The following INSYN2A variants were observed in gnomAD, a reference collection of about 807,000 sequenced individuals.
INSYN2A encodes inhibitory synaptic factor 2A.
A neutral mutation model predicts 39.4 loss-of-function variants in INSYN2A; 17 were observed. The ratio of observed to expected loss-of-function variants is 0.43; its 90% confidence interval spans 0.30 to 0.65. The LOEUF (loss-of-function observed/expected upper bound fraction) is 0.65. Among genes scored for constraint, INSYN2A ranks in the 30% least tolerant of loss-of-function variants. The probability of loss-of-function intolerance (pLI) is 0.14; values close to 1 mark genes in which losing one functional copy is unlikely to be tolerated. For missense variants in INSYN2A, 595 were observed against 631.2 expected (o/e 0.94, Z 0.61); for synonymous variants, 255 against 265.7 (o/e 0.96, Z 0.39).
rs184533361 is a variant in INSYN2A at position 127,162,211 on chromosome 10, A to G, written c.1185-8288T>C. On this transcript the variant is annotated intron_variant, in intron 4 of 5. Coordinates refer to ENST00000522781, the MANE Select transcript of INSYN2A (RefSeq NM_001039762.3). Reference sequence around the variant, plus strand: ...CTAGAATGTCTTTCTGGGGAAGGGCAAATACTTCTTTTTCAGACACCCGTG... The same window carrying G: ...CTAGAATGTCTTTCTGGGGAAGGGCGAATACTTCTTTTTCAGACACCCGTG... 3.9e-5 allele frequency among the ~76,000 whole-genome samples: 6 copies of G among 152,294 alleles called. No individual in the cohort carries two copies. In the East Asian group the frequency reaches 1.2e-3, roughly 29 times the overall value.
chr10:127,190,195 A>G (rs1359681179), intron 2 of INSYN2A, among the ~76,000 whole-genome samples: 2 of 152,246 alleles, frequency 1.3e-5, no homozygotes, highest in African/African-American at 2.4e-5. Flanking sequence ...CTGAATTTTC[A>G]CCAAAGGAAT....
At chr10:127,195,012 A>G (rs1157958933) in intron 1 of INSYN2A, among the ~76,000 whole-genome samples, 1 of 152,076 alleles carries the variant, frequency 6.6e-6, no homozygotes, top group East Asian at 1.9e-4. Context: ...AGATAAGCAA[A>G]ACGCACCCAT....
In INSYN2A at chr10:127,179,189, G is replaced by A. The variant is rs182233211; in HGVS notation, c.-268-2050C>T. 6.3e-4 allele frequency among the ~76,000 whole-genome samples: 96 copies of A among 152,314 alleles called. 1 individual carries two copies. Among genetic ancestry groups the A allele is most frequent in the African/African-American group, 2.1e-3 (89 of 41,572 alleles). On this transcript the variant is annotated intron_variant, in intron 2 of 5. Transcript: ENST00000522781. ...ATCACCATTTGCTAGGGACTGCACTGAAATAATTTTCTTACATCAGTTGGC... is the reference window on the plus strand; with the variant it reads ...ATCACCATTTGCTAGGGACTGCACTAAAATAATTTTCTTACATCAGTTGGC...
intron 4 of INSYN2A, among the ~76,000 whole-genome samples, chr10:127,162,807 G>C (rs973629143): frequency 2.6e-5 from 4 of 152,236 alleles, no homozygotes; most frequent in Non-Finnish European, 5.9e-5. Flanking sequence ...GGCTTGCTGT[G>C]TGTCAGCACT....
chr10:127,145,957 T>TAA (rs2051794832), intron 5 of INSYN2A: 1 of 513,196 alleles, frequency 1.9e-6, no homozygotes, highest in Non-Finnish European at 3.9e-6. Context: ...TCAAGACGCC[T>TAA]ATCTGTGAGG....
intron 4 of INSYN2A, among the ~76,000 whole-genome samples, chr10:127,166,784 T>G (rs1293971323): frequency 6.6e-6 from 1 of 152,220 alleles, no homozygotes; most frequent in Non-Finnish European, 1.5e-5. Context: ...CATTTTTTTT[T>G]TAAATCCAAA....
chr10:127,140,823 T>G (rs2051168969), intron 5 of INSYN2A, among the ~76,000 whole-genome samples: 1 of 152,074 alleles, frequency 6.6e-6, no homozygotes, highest in Admixed American at 6.5e-5. Flanking sequence ...CTGGTTAGAG[T>G]AGTGGACTTG....
At chr10:127,155,916 T>G (rs1406427522) in intron 4 of INSYN2A, among the ~76,000 whole-genome samples, 3 of 152,160 alleles carry the variant, frequency 2.0e-5, no homozygotes, top group Non-Finnish European at 2.9e-5. Flanking sequence ...TTGGCTTGGG[T>G]GGCAGATGAG....
intron 5 of INSYN2A, among the ~76,000 whole-genome samples, chr10:127,148,698 C>G (rs1264281522): frequency 1.3e-5 from 2 of 152,200 alleles, no homozygotes; most frequent in Non-Finnish European, 2.9e-5. Context: ...GAAATTTCAG[C>G]TGCTTATGAG....
chr10:127,137,703 G>T lies in INSYN2A; in HGVS notation c.*134C>A. On this transcript the variant is annotated 3_prime_UTR_variant, in exon 6 of 6. Coordinates refer to ENST00000522781, the MANE Select transcript of INSYN2A (RefSeq NM_001039762.3). Reference sequence around the variant, plus strand: ...TATCTATTGGTACAAAGGCCTTTTTGGTACGCAGGGCGAGAAGTGGGAGGT... The same window carrying T: ...TATCTATTGGTACAAAGGCCTTTTTTGTACGCAGGGCGAGAAGTGGGAGGT... 2 of 751,318 alleles carry T rather than the reference G, an allele frequency of 2.7e-6. No individual in the cohort carries two copies. The highest frequency in any genetic ancestry group is 4.3e-6 in the Non-Finnish European group (2 of 469,138). 46.5% of individuals were successfully genotyped at this position (751,318 alleles called of 1,614,324 possible). A position where few individuals can be genotyped will look rare whatever the true frequency, so the allele number is the denominator to read the frequency against.
At chr10:127,163,813 T>A (rs2133714453) in intron 4 of INSYN2A, among the ~76,000 whole-genome samples, 1 of 151,330 alleles carries the variant, frequency 6.6e-6, no homozygotes, top group South Asian at 2.1e-4. Context: ...TTTTTTTTTT[T>A]TTTTTGCCCT....
intron 2 of INSYN2A, among the ~76,000 whole-genome samples, chr10:127,183,514 A>T (rs976191453): frequency 4.6e-5 from 7 of 152,208 alleles, no homozygotes; most frequent in Admixed American, 4.6e-4. Flanking sequence ...ATGAGCTTCT[A>T]TTCCTAAGCT....
At chr10:127,189,015 C>G (rs181379128) in intron 2 of INSYN2A, among the ~76,000 whole-genome samples, 2 of 152,084 alleles carry the variant, frequency 1.3e-5, no homozygotes, top group African/African-American at 4.8e-5. Flanking sequence ...CTCAGGTGGT[C>G]GGCTCCTAGG....
intron 4 of INSYN2A, among the ~76,000 whole-genome samples, chr10:127,163,103 C>T (rs886124890): frequency 6.6e-6 from 1 of 152,192 alleles, no homozygotes; most frequent in African/African-American, 2.4e-5. Flanking sequence ...GGCTCTCTTG[C>T]AGACCATGCC....
Position 127,176,143 on chromosome 10 carries a change from G to A in INSYN2A, c.253C>T (p.Arg85Cys), listed in dbSNP as rs549319983. 1.3e-4 allele frequency: 203 copies of A among 1,613,954 alleles called. No homozygotes were observed. The highest frequency in any genetic ancestry group is 1.5e-4 in the Non-Finnish European group (178 of 1,180,016). The change falls in exon 4 of 6, where the codon CGC (arginine) becomes TGC (cysteine). Residue 85 changes from arginine (R) to cysteine (C), a missense_variant. Physicochemically the swap from Arg to Cys is radical, Grantham distance 180. This residue lies in a region of INSYN2A where 478 missense variants were observed against 467.4 expected (regional missense o/e 1.02). Transcript: ENST00000522781. This position sits in a 1 kb window ranked among gnomAD's most constrained non-coding sequence, Gnocchi z 4.4. ...CGTGCGGGCACTGTCATGTATTTGC[G>A]GTAGGCTGCTCTGCAGGACACGGGC... Reference protein sequence around the residue: ...AKPVSCRAAYRKYMTVPARRS... With the variant: ...AKPVSCRAAYCKYMTVPARRS...
At position 127,175,594 on chromosome 10, in the gene INSYN2A, G is replaced by A; in HGVS notation, c.802C>T (p.Pro268Ser). 6.2e-7 allele frequency: 1 copy of A among 1,612,534 alleles called. No individual in the cohort carries two copies. The highest frequency in any genetic ancestry group is 8.5e-7 in the Non-Finnish European group (1 of 1,179,916). ...GCGGCTGCAGAGTCTGACAAACCAG[G>A]CTCGGGGGCCCTGGCACTGAGGGCA... Reference protein sequence around the residue: ...APALSARAPEPGLSDSAAASQ... With the variant: ...APALSARAPESGLSDSAAASQ... Residue 268 changes from proline to serine, a missense_variant, in exon 4 of 6, where the codon CCT becomes TCT. Around this residue, in one of 2 missense-constraint regions of INSYN2A, gnomAD observed 478 missense variants for 467.4 expected, o/e 1.02. Coordinates refer to ENST00000522781, the MANE Select transcript of INSYN2A (RefSeq NM_001039762.3). This position sits in a 1 kb window ranked among gnomAD's most constrained non-coding sequence, Gnocchi z 6.3.
chr10:127,154,898 G>C (rs11591276), intron 4 of INSYN2A, among the ~76,000 whole-genome samples: 32,504 of 152,142 alleles, frequency 0.21, 4,185 homozygotes, highest in South Asian at 0.29. Flanking sequence ...GTCCAGCCAC[G>C]TAGGAACAGC....
intron 4 of INSYN2A, among the ~76,000 whole-genome samples, chr10:127,172,580 C>G (rs1314552508): frequency 6.6e-6 from 1 of 152,034 alleles, no homozygotes; most frequent in East Asian, 1.9e-4. Context: ...AAGAGGGGGC[C>G]CCATAAGGTG....
At position 127,148,503 on chromosome 10, in the gene INSYN2A, C is replaced by T. The variant is rs978473270; in HGVS notation, c.1256+5349G>A. 3.1e-4 allele frequency among the ~76,000 whole-genome samples: 47 copies of T among 152,168 alleles called. 3 individuals carry two copies. ...TCATGAAAATGTACACATTAGAATTCAGGCCATTTTGTCGCAGTACTATGT... is the reference window on the plus strand; with the variant it reads ...TCATGAAAATGTACACATTAGAATTTAGGCCATTTTGTCGCAGTACTATGT... On this transcript the variant is annotated intron_variant, in intron 5 of 5. Coordinates refer to ENST00000522781, the MANE Select transcript of INSYN2A (RefSeq NM_001039762.3).
Sources: gnomAD v4.1 joint callset for allele counts (sites outside exome capture counted in the v4.1 genomes callset) on GRCh38, gnomAD v4.1.1 for gene constraint, gnomAD v4.1.1 regional missense constraint, Gnocchi (gnomAD v3.1) non-coding constraint, MANE v1.5 for transcripts, NCBI Gene and HGNC (gene_info 2026-07-23, HGNC 2026-07-21) for gene names.